BRIP1: variants seen among roughly 807,000 people sequenced by gnomAD.
The protein encoded by BRIP1 is Fanconi anemia group J protein.
In BRIP1, 88 loss-of-function variants were observed where a neutral mutation model predicts 119.7. That is an observed-to-expected ratio of 0.74 (90% CI 0.62 to 0.88). BRIP1 has a LOEUF of 0.88. BRIP1 is among the 40% of genes least tolerant of loss of function. The pLI, the probability that BRIP1 is intolerant of heterozygous loss-of-function variation, is 0.00. For synonymous variants in BRIP1, 443 were observed against 496.5 expected, an observed-to-expected ratio of 0.89 and a Z score of 1.43; for missense variants, 1,259 against 1,455.4, an observed-to-expected ratio of 0.87 and a Z score of 2.20.
chr17:61,805,258 G>C lies in BRIP1; in HGVS notation c.918+3209C>G, dbSNP rs1305554969. On this transcript the variant is annotated intron_variant, in intron 7 of 19. Transcript: ENST00000259008. This position sits in a 1 kb window ranked among gnomAD's most constrained non-coding sequence, Gnocchi z 5.6. ...CAAATCAAAGGACAAGACATGAATAGCTGAGGACCAGTTCTCCTAAAGCTT... is the reference window on the plus strand; with the variant it reads ...CAAATCAAAGGACAAGACATGAATACCTGAGGACCAGTTCTCCTAAAGCTT... 1.3e-5 allele frequency among the ~76,000 whole-genome samples: 2 copies of C among 152,096 alleles called. No homozygotes were observed. Among genetic ancestry groups the C allele is most frequent in the Non-Finnish European group, 2.9e-5 (2 of 68,008 alleles).
Position 61,841,356 on chromosome 17 carries a change from CAA to C in BRIP1, c.627+5743_627+5744del, listed in dbSNP as rs539506761. On this transcript the variant is annotated intron_variant, in intron 6 of 19. Transcript: ENST00000259008. The surrounding 1 kb of genome is among the most constrained non-coding windows in gnomAD (Gnocchi z 4.1). ...CCAGAATATACAAGGAACTCAACAG[CAA>C]AAAAAAAAAAATCTGATTTTAAAAT... Among the ~76,000 whole-genome samples, 6 of 131,160 alleles carry C rather than the reference CAA, an allele frequency of 4.6e-5. No individual in the cohort carries two copies. The highest frequency in any genetic ancestry group is 3.3e-5 in the Non-Finnish European group (2 of 60,258). The allele number at this position is 131,160 out of a possible 152,430, so 86.0% of individuals were successfully genotyped here.
At chr17:61,788,053 G>A (rs1286607147) in intron 10 of BRIP1, among the ~76,000 whole-genome samples, 1 of 151,862 alleles carries the variant, frequency 6.6e-6, no homozygotes, top group Non-Finnish European at 1.5e-5. Context: ...GAAAGAAACC[G>A]GTCATTATTC....
intron 17 of BRIP1, among the ~76,000 whole-genome samples, chr17:61,714,137 C>A (rs2061822541): frequency 1.3e-5 from 2 of 152,096 alleles, no homozygotes; most frequent in Non-Finnish European, 2.9e-5. Context: ...ATAGCCATAC[C>A]TCATCTCTCA....
chr17:61,852,567 T>C lies in BRIP1; in HGVS notation c.380-3311A>G, dbSNP rs1055271773. ...CCTGTAATCCCAGCTACTCAGGAGG[T>C]TGAAGCAGGAGAATTGCTTGAGCCT... is the stretch of plus-strand genomic sequence containing the variant. On this transcript the variant is annotated intron_variant, in intron 4 of 19. Coordinates refer to ENST00000259008, the MANE Select transcript of BRIP1 (RefSeq NM_032043.3). The surrounding 1 kb of genome is among the most constrained non-coding windows in gnomAD (Gnocchi z 4.9). Among the ~76,000 whole-genome samples the C allele has an allele frequency of 5.3e-5, 8 of 151,888 alleles. No individual in the cohort carries two copies. Among genetic ancestry groups the C allele is most frequent in the African/African-American group, 1.9e-4 (8 of 41,364 alleles).
At chr17:61,749,069 G>A (rs373540634) in intron 14 of BRIP1, among the ~76,000 whole-genome samples, 29 of 151,934 alleles carry the variant, frequency 1.9e-4, no homozygotes, top group African/African-American at 5.1e-4. Context: ...CCTGGGAGGC[G>A]GAGGTTGCAG....
In BRIP1 at chr17:61,780,111, C is replaced by T; in HGVS notation, c.1935+150G>A. On this transcript the variant is annotated intron_variant, in intron 13 of 19. Coordinates refer to ENST00000259008, the MANE Select transcript of BRIP1 (RefSeq NM_032043.3). The surrounding 1 kb of genome is among the most constrained non-coding windows in gnomAD (Gnocchi z 5.4). ...CTTCTGTTGACACATCATTAAGTAG[C>T]TGACAGATTTTCTTTTATTGTAAAA... is the stretch of plus-strand genomic sequence containing the variant. 1.2e-6 allele frequency: 1 copy of T among 805,848 alleles called. No homozygotes were observed. The highest frequency in any genetic ancestry group is 2.0e-6 in the Non-Finnish European group (1 of 500,620). 49.9% of individuals were successfully genotyped at this position (805,848 alleles called of 1,614,324 possible). A position where few individuals can be genotyped will look rare whatever the true frequency, so the allele number is the denominator to read the frequency against.
At chr17:61,836,108 CTTTTTT>C (rs71153409) in intron 6 of BRIP1, among the ~76,000 whole-genome samples, 3 of 79,086 alleles carry the variant, frequency 3.8e-5, no homozygotes, top group South Asian at 4.7e-4. Context: ...TGTTATTACT[CTTTTTT>C]TTTTTTTTTT....
rs1215665972 is a variant in BRIP1, at chr17:61,781,973, G to A, written c.1629-968C>T. On this transcript the variant is annotated intron_variant, in intron 11 of 19. Coordinates refer to ENST00000259008, the MANE Select transcript of BRIP1 (RefSeq NM_032043.3). The stretch of plus-strand genomic sequence containing the variant: ...TATTCTCTACCATGTCTTCGCTATA[G>A]TATTTCCTTATTCATTTCACTCCTA... 2.7e-5 allele frequency among the ~76,000 whole-genome samples: 4 copies of A among 150,672 alleles called. No individual in the cohort carries two copies. The South Asian group carries it at 8.4e-4, about 32-fold the overall frequency.
Position 61,861,310 on chromosome 17 carries a change from G to GT in BRIP1, c.93+136dup, listed in dbSNP as rs2145861751. The GT allele has an allele frequency of 2.8e-6, 2 of 702,192 alleles. No homozygotes were observed. The highest frequency in any genetic ancestry group is 5.1e-6 in the Non-Finnish European group (2 of 390,854). The allele number at this position is 702,192 out of a possible 1,614,324, so 43.5% of individuals were successfully genotyped here. On this transcript the variant is annotated intron_variant, in intron 2 of 19. Transcript: ENST00000259008. The surrounding 1 kb of genome is among the most constrained non-coding windows in gnomAD (Gnocchi z 4.5). Reference sequence around the variant, plus strand: ...AGCTGCAATCAGTAGTTTCCCAGAGGTTAGATATTCTTCCAAGTGAACCCA... The same window carrying GT: ...AGCTGCAATCAGTAGTTTCCCAGAGGTTTAGATATTCTTCCAAGTGAACCCA...
rs934861665 is a variant in BRIP1 at position 61,856,172 on chromosome 17, T to C, written c.379+886A>G. Among the ~76,000 whole-genome samples the C allele has an allele frequency of 6.6e-5, 10 of 152,212 alleles. No individual in the cohort carries two copies. The highest frequency in any genetic ancestry group is 5.9e-4 in the Admixed American group (9 of 15,284). Reference sequence around the variant, plus strand: ...ACAACACTATTGGTCACCTATTTAATAACTGTTCCACTTCTCTTTCCTCAT... The same window carrying C: ...ACAACACTATTGGTCACCTATTTAACAACTGTTCCACTTCTCTTTCCTCAT... On this transcript the variant is annotated intron_variant, in intron 4 of 19. Transcript: ENST00000259008. The surrounding 1 kb of genome is among the most constrained non-coding windows in gnomAD (Gnocchi z 5.1).
Position 61,780,126 on chromosome 17 carries a change from T to C in BRIP1, c.1935+135A>G. ...CATTAAGTAGCTGACAGATTTTCTT[T>C]TATTGTAAAACTGGAATGTTGAATT... On this transcript the variant is annotated intron_variant, in intron 13 of 19. Transcript: ENST00000259008. This position sits in a 1 kb window ranked among gnomAD's most constrained non-coding sequence, Gnocchi z 5.4. 1.0e-6 allele frequency: 1 copy of C among 960,300 alleles called. No individual in the cohort carries two copies. Among genetic ancestry groups the C allele is most frequent in the Non-Finnish European group, 1.6e-6 (1 of 627,508 alleles). The allele number at this position is 960,300 out of a possible 1,614,324, so 59.5% of individuals were successfully genotyped here.
At chr17:61,702,775 C>T (rs1430282674) in intron 17 of BRIP1, among the ~76,000 whole-genome samples, 1 of 152,162 alleles carries the variant, frequency 6.6e-6, no homozygotes, top group Non-Finnish European at 1.5e-5. Flanking sequence ...CATACAGATA[C>T]ATATGTCTTT....
Position 61,778,582 on chromosome 17 carries a change from G to A in BRIP1, c.1935+1679C>T, listed in dbSNP as rs1042605147. The stretch of plus-strand genomic sequence containing the variant: ...CACAACTACATTATTATAATTCAGC[G>A]ACATTATAGGTTAAATGGACTTTTG... On this transcript the variant is annotated intron_variant, in intron 13 of 19. Coordinates refer to ENST00000259008, the MANE Select transcript of BRIP1 (RefSeq NM_032043.3). The surrounding 1 kb of genome is among the most constrained non-coding windows in gnomAD (Gnocchi z 4.4). 4.6e-5 allele frequency among the ~76,000 whole-genome samples: 7 copies of A among 152,232 alleles called. No individual in the cohort carries two copies. Among genetic ancestry groups the A allele is most frequent in the African/African-American group, 9.6e-5 (4 of 41,540 alleles).
chr17:61,850,454 A>G (rs1340412100), intron 4 of BRIP1, among the ~76,000 whole-genome samples: 1 of 152,176 alleles, frequency 6.6e-6, no homozygotes, highest in Non-Finnish European at 1.5e-5. Flanking sequence ...ATGGAAAAAC[A>G]GTGAAAAAGA....
intron 5 of BRIP1, among the ~76,000 whole-genome samples, chr17:61,847,535 T>C (rs1363906519): frequency 6.6e-6 from 1 of 152,136 alleles, no homozygotes; most frequent in Non-Finnish European, 1.5e-5. Flanking sequence ...TATAGCAATA[T>C]TGGAAAGTCC....
intron 10 of BRIP1, among the ~76,000 whole-genome samples, chr17:61,792,009 T>C (rs1026947877): frequency 6.6e-6 from 1 of 152,206 alleles, no homozygotes; most frequent in African/African-American, 2.4e-5. Flanking sequence ...CAAAGTTCAC[T>C]GGTGAAGATG....
At position 61,758,008 on chromosome 17, in the gene BRIP1, GAAAAA is replaced by G. The variant is rs1316242126; in HGVS notation, c.2098-13422_2098-13418del. Among the ~76,000 whole-genome samples, 1 of 150,658 alleles carries G rather than the reference GAAAAA, an allele frequency of 6.6e-6. No homozygotes were observed. Among genetic ancestry groups the G allele is most frequent in the East Asian group, 1.9e-4 (1 of 5,166 alleles). The stretch of plus-strand genomic sequence containing the variant: ...GACACTGTCTTGAAAAAAAAAAAGA[GAAAAA>G]AGAAAAGAAAACAATAAGAACTCAA... On this transcript the variant is annotated intron_variant, in intron 14 of 19. Transcript: ENST00000259008. This position sits in a 1 kb window ranked among gnomAD's most constrained non-coding sequence, Gnocchi z 5.3.
At position 61,860,770 on chromosome 17, in the gene BRIP1, A is replaced by G. The variant is rs1191606737; in HGVS notation, c.93+677T>C. On this transcript the variant is annotated intron_variant, in intron 2 of 19. Transcript: ENST00000259008. The surrounding 1 kb of genome is among the most constrained non-coding windows in gnomAD (Gnocchi z 4.1). ...AAAATGGACAGATAAATTCTGGTAT[A>G]TTCATCCAATGGAATTTATACAACA... Among the ~76,000 whole-genome samples the G allele has an allele frequency of 6.6e-5, 10 of 152,282 alleles. No homozygotes were observed. Among genetic ancestry groups the G allele is most frequent in the African/African-American group, 2.4e-4 (10 of 41,482 alleles).
rs2076942385 is a variant in BRIP1 at position 61,738,112 on chromosome 17, C to T, written c.2379+4901G>A. 6.6e-6 allele frequency among the ~76,000 whole-genome samples: 1 copy of T among 152,150 alleles called. No individual in the cohort carries two copies. On this transcript the variant is annotated intron_variant, in intron 16 of 19. Coordinates refer to ENST00000259008, the MANE Select transcript of BRIP1 (RefSeq NM_032043.3). This position sits in a 1 kb window ranked among gnomAD's most constrained non-coding sequence, Gnocchi z 4.2. ...ACAGAGCTGACTCAGTTGACTTCAACACAGATCAGCCAACTAGGGCAGAGT... is the reference window on the plus strand; with the variant it reads ...ACAGAGCTGACTCAGTTGACTTCAATACAGATCAGCCAACTAGGGCAGAGT...
Sources: gnomAD v4.1 joint callset for allele counts (sites outside exome capture counted in the v4.1 genomes callset) on GRCh38, gnomAD v4.1.1 for gene constraint, Gnocchi (gnomAD v3.1) non-coding constraint, MANE v1.5 for transcripts, NCBI Gene and HGNC (gene_info 2026-07-23, HGNC 2026-07-21) for gene names.